The following SETD1B variants were observed in gnomAD, a reference collection of about 807,000 sequenced individuals.
The protein encoded by SETD1B is histone-lysine N-methyltransferase SETD1B.
Under a neutral mutation model 148.0 loss-of-function variants are expected in SETD1B, and 7 were observed. The ratio of observed to expected loss-of-function variants is 0.05; its 90% CI spans 0.03 to 0.09. The LOEUF (loss-of-function observed/expected upper bound fraction) is 0.09, where lower values mean the gene tolerates loss of function less well. Ranked by LOEUF, SETD1B falls within the 10% of genes least tolerant of loss-of-function variation. SETD1B has a pLI of 1.00. For missense variants in SETD1B, 2,155 were observed against 2,729.9 expected (o/e 0.79, Z 4.69); for synonymous variants, 1,361 against 1,186.5 (o/e 1.15, Z -3.02).
At chr12:121,796,402 CTG>C in the SETD1B span, among the ~76,000 whole-genome samples, 1 of 152,246 alleles carries the variant, frequency 6.6e-6, no homozygotes, top group African/African-American at 2.4e-5. Context: ...AACAGGGAAA[CTG>C]AGCCCTGGAG....
In SETD1B at chr12:121,823,725, G is replaced by T; in HGVS notation, c.5146G>T (p.Asp1716Tyr). The T allele has an allele frequency of 6.4e-7, 1 of 1,550,920 alleles. No homozygotes were observed. The highest frequency in any genetic ancestry group is 1.2e-5 in the South Asian group (1 of 84,028). The change falls in exon 12 of 17, where the codon GAC (aspartate) becomes TAC (tyrosine). Residue 1716 changes from aspartate to tyrosine, a missense_variant. Asp to Tyr is a radical substitution (Grantham distance 160, BLOSUM62 -3). This residue lies in a region of SETD1B where 96 missense variants were observed against 148.7 expected (regional missense o/e 0.65). Coordinates refer to ENST00000604567, the MANE Select transcript of SETD1B (RefSeq NM_001353345.2). ...QQDNGMDWLN[D>Y]TLWVYHPSTS... ...GGACAATGGCATGGACTGGCTTAAC[G>T]ACACGCTCTGGGTCTACCATCCCTA...
chr12:121,806,765 C>T (rs943319764), intron 4 of SETD1B, among the ~76,000 whole-genome samples: 6 of 152,236 alleles, frequency 3.9e-5, no homozygotes, highest in Non-Finnish European at 7.3e-5. Flanking sequence ...GCAGCACCTC[C>T]CCTGCTCTGG....
At chr12:121,801,019 C>G (rs892536149), upstream of SETD1B, 2 of 152,198 alleles carry the variant, frequency 1.3e-5, no homozygotes, top group African/African-American at 4.8e-5. Flanking sequence ...GTAAAGAAAA[C>G]TGGTGTTTGG....
Position 121,830,415 on chromosome 12 carries a change from C to T in SETD1B, c.*176C>T, listed in dbSNP as rs369259520. The stretch of plus-strand genomic sequence containing the variant: ...ACCCCCTGGAGCCCCTGGCTCCGGC[C>T]CCTCCGCGGGAAAGGGCTTCTCTGT... On this transcript the variant is annotated 3_prime_UTR_variant, in exon 17 of 17. Coordinates refer to ENST00000604567, the MANE Select transcript of SETD1B (RefSeq NM_001353345.2). This position sits in a 1 kb window ranked among gnomAD's most constrained non-coding sequence, Gnocchi z 5.7. The T allele has an allele frequency of 5.0e-4, 288 of 576,240 alleles. 3 individuals are homozygous for T. Among genetic ancestry groups the T allele is most frequent in the African/African-American group, 4.6e-3 (242 of 53,114 alleles). 35.7% of individuals were successfully genotyped at this position (576,240 alleles called of 1,614,324 possible).
intron 6 of SETD1B, among the ~76,000 whole-genome samples, chr12:121,812,948 C>T (rs1876110905): frequency 6.6e-6 from 1 of 152,052 alleles, no homozygotes; most frequent in African/African-American, 2.4e-5. Context: ...CCTCCACCCC[C>T]ACTCCCCCTC....
chr12:121,812,706 G>T (rs1876096958), intron 6 of SETD1B, among the ~76,000 whole-genome samples: 1 of 152,104 alleles, frequency 6.6e-6, no homozygotes, highest in African/African-American at 2.4e-5. Context: ...ATCCACCCGA[G>T]CCCGTCTGTC....
intron 16 of SETD1B, among the ~76,000 whole-genome samples, chr12:121,828,742 A>G (rs1876957357): frequency 6.6e-6 from 1 of 152,176 alleles, no homozygotes. Flanking sequence ...CAGCTTAGTG[A>G]GTTACTTAAT....
chr12:121,791,655 A>C, the SETD1B span, among the ~76,000 whole-genome samples: 3 of 152,216 alleles, frequency 2.0e-5, no homozygotes, highest in African/African-American at 7.2e-5. Context: ...ATCTACTCTG[A>C]CATGTTCCTT....
At chr12:121,811,964 G>A (rs1876054010) in intron 6 of SETD1B, among the ~76,000 whole-genome samples, 1 of 152,182 alleles carries the variant, frequency 6.6e-6, no homozygotes, top group African/African-American at 2.4e-5. Context: ...CGTCTCCTCC[G>A]CTCCGTCTAG....
chr12:121,803,940 G>GGGAGGAGGAAGAGGAGGA (rs1212529626), upstream of SETD1B: 54 of 159,254 alleles, frequency 3.4e-4, no homozygotes, highest in South Asian at 1.2e-3. The surrounding 1 kb of genome is among the most constrained non-coding windows in gnomAD (Gnocchi z 4.7). Context: ...GGAAGGAGAG[G>GGGAGGAGGAAGAGGAGGA]GGAGGAGGAA....
chr12:121,797,280 A>G, the SETD1B span: 1 of 374,212 alleles, frequency 2.7e-6, no homozygotes, highest in South Asian at 2.0e-5. Flanking sequence ...GTAGTAAGGC[A>G]AGTCCTGCCA....
chr12:121,816,539 G>A (rs1056902334), intron 7 of SETD1B, among the ~76,000 whole-genome samples: 14 of 152,326 alleles, frequency 9.2e-5, no homozygotes, highest in African/African-American at 3.4e-4. Flanking sequence ...CATGTGCCCT[G>A]CACCTTGCAA....
At chr12:121,802,328 G>C (rs1875415933), upstream of SETD1B, 1 of 152,214 alleles carries the variant, frequency 6.6e-6, no homozygotes, top group African/African-American at 2.4e-5. Flanking sequence ...ACTGTACTGC[G>C]TCAGGACAGA....
At position 121,805,365 on chromosome 12, in the gene SETD1B, G is replaced by C; in HGVS notation, c.273+149G>C. The C allele has an allele frequency of 1.5e-6, 1 of 658,212 alleles. No homozygotes were observed. Among genetic ancestry groups the C allele is most frequent in the Non-Finnish European group, 2.7e-6 (1 of 370,668 alleles). The allele number at this position is 658,212 out of a possible 1,614,324, so 40.8% of individuals were successfully genotyped here. A position where few individuals can be genotyped will look rare whatever the true frequency, so the allele number is the denominator to read the frequency against. On this transcript the variant is annotated intron_variant, in intron 3 of 16. Transcript: ENST00000604567. This position sits in a 1 kb window ranked among gnomAD's most constrained non-coding sequence, Gnocchi z 4.2. ...GCGGGGAGGGGTAGAGCGCTGGCGA[G>C]AGGGTGTCCCCTCTCAGCTACTGAA...
chr12:121,806,636 A>G (rs771124969), intron 4 of SETD1B, among the ~76,000 whole-genome samples: 1 of 152,158 alleles, frequency 6.6e-6, no homozygotes, highest in Non-Finnish European at 1.5e-5. Context: ...TTTCATTGAT[A>G]AGGTTCTCGA....
the SETD1B span, among the ~76,000 whole-genome samples, chr12:121,794,729 G>A: frequency 2.0e-5 from 3 of 152,106 alleles, no homozygotes; most frequent in East Asian, 5.8e-4. Flanking sequence ...CACCCTGGGC[G>A]GGCTGACTGC....
Position 121,810,975 on chromosome 12 carries a change from C to T in SETD1B, c.1890+140C>T. 8.6e-7 allele frequency: 1 copy of T among 1,157,122 alleles called. No homozygotes were observed. Among genetic ancestry groups the T allele is most frequent in the Non-Finnish European group, 1.2e-6 (1 of 852,562 alleles). 71.7% of individuals were successfully genotyped at this position (1,157,122 alleles called of 1,614,324 possible). ...AAGCCAATATAACAGGTGGAACTTA[C>T]AGAATAAAAAGGGGATGCAGAAAAC... On this transcript the variant is annotated intron_variant, in intron 6 of 16. Transcript: ENST00000604567. This position sits in a 1 kb window ranked among gnomAD's most constrained non-coding sequence, Gnocchi z 7.6.
At chr12:121,793,783 T>G in the SETD1B span, 1 of 626,552 alleles carries the variant, frequency 1.6e-6, no homozygotes, top group Non-Finnish European at 2.5e-6. Context: ...AGCCTCAGTT[T>G]CCTTTCTGCT....
chr12:121,823,769 G>A lies in SETD1B; in HGVS notation c.5170+20G>A, dbSNP rs1342377019. On this transcript the variant is annotated intron_variant, in intron 12 of 16. Coordinates refer to ENST00000604567, the MANE Select transcript of SETD1B (RefSeq NM_001353345.2). The stretch of plus-strand genomic sequence containing the variant: ...ATCCCTATATCCTGCTGGCATGGGG[G>A]GCTCTGCACCTTCTGGGATGCAGGA... 6.6e-6 allele frequency: 10 copies of A among 1,526,680 alleles called. No homozygotes were observed. Among genetic ancestry groups the A allele is most frequent in the Admixed American group, 4.0e-5 (2 of 50,286 alleles). The allele number at this position is 1,526,680 out of a possible 1,614,324, so 94.6% of individuals were successfully genotyped here. A position where few individuals can be genotyped will look rare whatever the true frequency, so the allele number is the denominator to read the frequency against.
Sources: gnomAD v4.1 joint callset for allele counts (sites outside exome capture counted in the v4.1 genomes callset) on GRCh38, gnomAD v4.1.1 for gene constraint, gnomAD v4.1.1 regional missense constraint, Gnocchi (gnomAD v3.1) non-coding constraint, MANE v1.5 for transcripts, NCBI Gene and HGNC (gene_info 2026-07-23, HGNC 2026-07-21) for gene names.